Variants in IDH2 observed in about 807,000 individuals in gnomAD.
IDH2 encodes isocitrate dehydrogenase [NADP], mitochondrial.
In IDH2, 18 loss-of-function variants were observed where a neutral mutation model predicts 50.5. The ratio of observed to expected loss-of-function variants is 0.36; its 90% confidence interval spans 0.25 to 0.53. IDH2 has a LOEUF of 0.53. Ranked by LOEUF, IDH2 falls within the 20% of genes least tolerant of loss-of-function variation. IDH2 has a pLI of 0.92. For missense variants in IDH2, 518 were observed against 610.7 expected, an observed-to-expected ratio of 0.85 and a Z score of 1.60; for synonymous variants, 280 against 239.8, an observed-to-expected ratio of 1.17 and a Z score of -1.55.
At chr15:90,101,933 G>A (rs980262965) in intron 1 of IDH2, among the ~76,000 whole-genome samples, 3 of 151,962 alleles carry the variant, frequency 2.0e-5, no homozygotes, top group Non-Finnish European at 4.4e-5. Flanking sequence ...TTCCAGGGGC[G>A]CAGGGCGGGC....
chr15:90,091,515 C>T (rs1214729118), intron 2 of IDH2, 38 bp downstream of exon 2: 1 of 1,530,932 alleles, frequency 6.5e-7, no homozygotes, highest in Non-Finnish European at 9.1e-7. Context: ...CCTGGCCAGC[C>T]CACCTGGAGA....
chr15:90,095,422 C>G (rs1259043783), intron 1 of IDH2, among the ~76,000 whole-genome samples: 1 of 150,330 alleles, frequency 6.7e-6, no homozygotes, highest in Non-Finnish European at 1.5e-5. Context: ...TAGTTTAGTT[C>G]TGGGGAGCAT....
At chr15:90,090,399 C>T (rs929220176) in intron 3 of IDH2, 80 bp downstream of exon 3, 2 of 1,498,564 alleles carry the variant, frequency 1.3e-6, no homozygotes, top group Non-Finnish European at 1.8e-6. Flanking sequence ...ACATGGCCAA[C>T]TGCCCCACCC....
Position 90,098,531 on chromosome 15 carries a change from C to CATGTATGT in IDH2, c.115+3737_115+3744dup, listed in dbSNP as rs1555462242. Among the ~76,000 whole-genome samples the CATGTATGT allele has an allele frequency of 7.2e-5, 10 of 138,466 alleles. No individual in the cohort carries two copies. The highest frequency in any genetic ancestry group is 1.6e-4 in the African/African-American group (6 of 36,832). The allele number at this position is 138,466 out of a possible 152,430, so 90.8% of individuals were successfully genotyped here. A position where few individuals can be genotyped will look rare whatever the true frequency, so the allele number is the denominator to read the frequency against. ...GTATGTATGTATGTATGTATGCATG[C>CATGTATGT]ATGTATGTATGTATGTATGTATGTA... On this transcript the variant is annotated intron_variant, in intron 1 of 10. Transcript: ENST00000330062. This position sits in a 1 kb window ranked among gnomAD's most constrained non-coding sequence, Gnocchi z 5.1.
At chr15:90,092,662 C>T (rs377688391) in intron 1 of IDH2, among the ~76,000 whole-genome samples, 15 of 152,128 alleles carry the variant, frequency 9.9e-5, no homozygotes, top group East Asian at 7.7e-4. Flanking sequence ...CTGCAACCTC[C>T]GCCTCCCGAG....
At position 90,085,212 on chromosome 15, in the gene IDH2, G is replaced by A. The variant is rs1900827134; in HGVS notation, c.1080+63C>T. The A allele has an allele frequency of 4.6e-6, 7 of 1,516,540 alleles. No individual in the cohort carries two copies. The South Asian group carries it at 8.0e-5, about 17-fold the overall frequency. The allele number at this position is 1,516,540 out of a possible 1,614,324, so 93.9% of individuals were successfully genotyped here. A position where few individuals can be genotyped will look rare whatever the true frequency, so the allele number is the denominator to read the frequency against. On this transcript the variant is annotated intron_variant, in intron 8 of 10. Coordinates refer to ENST00000330062, the MANE Select transcript of IDH2 (RefSeq NM_002168.4). This position sits in a 1 kb window ranked among gnomAD's most constrained non-coding sequence, Gnocchi z 5.5. ...GTCAGGCTCGTCCTTCCAGCCCTCA[G>A]CCCAGTGGGCTTTAGGCCCCTGGGG... is the stretch of plus-strand genomic sequence containing the variant.
rs200359052 is a variant in IDH2 at position 90,084,898 on chromosome 15, T to C, written c.1189A>G (p.Met397Val). ...GNQDLIRFAQ[M>V]LEKVCVETVE... ...GTCTCCACGCACACCTTCTCCAGCA[T>C]CTGGGCAAACCTATGGGGATGGGGC... Residue 397 changes from methionine (M) to valine (V), a missense_variant, in exon 10 of 11, where the codon ATG (methionine) becomes GTG (valine). Physicochemically the swap from Met to Val is conservative, Grantham distance 21 (BLOSUM62 1). Around this residue, in one of 5 missense-constraint regions of IDH2, gnomAD observed 135 missense variants for 167.6 expected, o/e 0.81. Coordinates refer to ENST00000330062, the MANE Select transcript of IDH2 (RefSeq NM_002168.4). The surrounding 1 kb of genome is among the most constrained non-coding windows in gnomAD (Gnocchi z 5.0). The C allele has an allele frequency of 3.0e-5, 48 of 1,614,070 alleles. No individual in the cohort carries two copies. The East Asian group carries it at 9.4e-4, about 31-fold the overall frequency.
intron 3 of IDH2, 26 bp from the exon 4 acceptor site, chr15:90,088,773 C>T (rs755560705): frequency 2.5e-6 from 4 of 1,613,092 alleles, no homozygotes; most frequent in East Asian, 2.2e-5. Flanking sequence ...TAATAGTGGT[C>T]CCACTGCAGC....
intron 1 of IDH2, among the ~76,000 whole-genome samples, chr15:90,099,252 T>C (rs961606484): frequency 6.6e-6 from 1 of 152,166 alleles, no homozygotes; most frequent in Non-Finnish European, 1.5e-5. Flanking sequence ...AACCTCATCC[T>C]GTCACTCCAC....
intron 3 of IDH2, 39 bp downstream of exon 3, chr15:90,090,440 G>T (rs766434474): frequency 6.2e-7 from 1 of 1,608,202 alleles, no homozygotes; most frequent in Non-Finnish European, 8.5e-7. Flanking sequence ...GGAGAAGCCT[G>T]TGACCCTCCC....
rs957505728 is a variant in IDH2 at position 90,091,622 on chromosome 15, C to T, written c.138G>A (p.Val46=). ...RRHYADKRIK[V]AKPVVEMDGD... is the part of the protein sequence containing the mutation. ...CATCCATCTCCACCACGGGCTTCGCCACCTTGATCCTTTTGTCGGCATCTA... is the reference window on the plus strand; with the variant it reads ...CATCCATCTCCACCACGGGCTTCGCTACCTTGATCCTTTTGTCGGCATCTA... Residue 46 remains valine, a synonymous_variant, in exon 2 of 11, where the codon GTG becomes GTA. Coordinates refer to ENST00000330062, the MANE Select transcript of IDH2 (RefSeq NM_002168.4). The T allele has an allele frequency of 3.1e-6, 5 of 1,614,082 alleles. No homozygotes were observed. The African/African-American group carries it at 6.7e-5, about 22-fold the overall frequency.
intron 3 of IDH2, among the ~76,000 whole-genome samples, chr15:90,089,756 GC>G (rs558091360): frequency 2.8e-4 from 42 of 152,294 alleles, no homozygotes; most frequent in Admixed American, 2.4e-3. Flanking sequence ...TCCAAACCTG[GC>G]CCCTCTGCAC....
chr15:90,083,726 A>G lies in IDH2; in HGVS notation c.*540T>C, dbSNP rs778800192. ...AGGAACTGATTGACTCTCAGAATGG[A>G]GAACTGGACACAGAAACTGGATCAT... On this transcript the variant is annotated 3_prime_UTR_variant, in exon 11 of 11. Transcript: ENST00000330062. 35 of 189,072 alleles carry G rather than the reference A, an allele frequency of 1.9e-4. No individual in the cohort carries two copies. The highest frequency in any genetic ancestry group is 3.4e-4 in the Non-Finnish European group (30 of 88,656). 11.7% of individuals were successfully genotyped at this position (189,072 alleles called of 1,614,324 possible).
intron 3 of IDH2, among the ~76,000 whole-genome samples, chr15:90,089,442 C>G (rs1428544858): frequency 6.6e-6 from 1 of 152,156 alleles, no homozygotes; most frequent in Non-Finnish European, 1.5e-5. Context: ...TCTGACGAAG[C>G]CTGACAACAC....
chr15:90,101,743 G>A (rs777173119), intron 1 of IDH2, among the ~76,000 whole-genome samples: 96 of 152,170 alleles, frequency 6.3e-4, no homozygotes, highest in Non-Finnish European at 1.3e-3. Context: ...CAGCTGTCGT[G>A]TAAAAGGCTC....
rs894271335 is a variant in IDH2, at chr15:90,093,780, C to T, written c.116-2136G>A. Among the ~76,000 whole-genome samples the T allele has an allele frequency of 4.6e-5, 7 of 152,116 alleles. No homozygotes were observed. In the East Asian group the frequency reaches 7.7e-4, roughly 17 times the overall value. ...GATTACAGGCACACGCCACCAGGCC[C>T]GGCTAATTTTTGTATTTTTAGTAGA... is the stretch of plus-strand genomic sequence containing the variant. On this transcript the variant is annotated intron_variant, in intron 1 of 10. Coordinates refer to ENST00000330062, the MANE Select transcript of IDH2 (RefSeq NM_002168.4).
rs1427153108 is a variant in IDH2, at chr15:90,084,499, C to T, written c.1272-146G>A. The T allele has an allele frequency of 6.5e-6, 5 of 769,552 alleles. No individual in the cohort carries two copies. Among genetic ancestry groups the T allele is most frequent in the East Asian group, 2.7e-5 (1 of 37,226 alleles). The allele number at this position is 769,552 out of a possible 1,614,324, so 47.7% of individuals were successfully genotyped here. A position where few individuals can be genotyped will look rare whatever the true frequency, so the allele number is the denominator to read the frequency against. ...ACTACAGGCCAGAGGCCAGCTATAG[C>T]CCCCTACCATGAGGCCACCGAGATT... On this transcript the variant is annotated intron_variant, in intron 10 of 10. Transcript: ENST00000330062. The surrounding 1 kb of genome is among the most constrained non-coding windows in gnomAD (Gnocchi z 5.0).
intron 1 of IDH2, among the ~76,000 whole-genome samples, chr15:90,101,565 C>T (rs888280843): frequency 6.6e-6 from 1 of 151,898 alleles, no homozygotes; most frequent in African/African-American, 2.4e-5. Flanking sequence ...TTTGCGCGGG[C>T]TGCCAGGTCT....
Position 90,090,516 on chromosome 15 carries a change from C to G in IDH2, c.336G>C (p.Lys112Asn). The G allele has an allele frequency of 6.2e-7, 1 of 1,614,078 alleles. No individual in the cohort carries two copies. The highest frequency in any genetic ancestry group is 8.5e-7 in the Non-Finnish European group (1 of 1,180,030). The part of the protein sequence containing the change: ...LATQKYSVAV[K>N]CATITPDEAR... Reference sequence around the variant, plus strand: ...CCTCATCAGGGGTGATGGTGGCACACTTGACAGCCACACTGTACTTCTGGG... The same window carrying G: ...CCTCATCAGGGGTGATGGTGGCACAGTTGACAGCCACACTGTACTTCTGGG... The change falls in exon 3 of 11, where the codon AAG becomes AAC. Residue 112 changes from lysine to asparagine, a missense_variant. Lys to Asn is a moderately conservative substitution (Grantham distance 94). Transcript: ENST00000330062.
Sources: allele counts gnomAD v4.1 joint callset (sites outside exome capture counted in the v4.1 genomes callset), GRCh38; gene constraint gnomAD v4.1.1; regional missense constraint gnomAD v4.1.1; non-coding constraint Gnocchi (gnomAD v3.1); transcripts MANE v1.5; gene names NCBI Gene and HGNC (gene_info 2026-07-23, HGNC 2026-07-21).